LUC7L: variants seen among roughly 807,000 people sequenced by gnomAD.
The protein encoded by LUC7L is LUC7 like, also known as putative RNA-binding protein Luc7-like 1.
A neutral mutation model predicts 51.1 loss-of-function variants in LUC7L; 29 were observed. The ratio of observed to expected loss-of-function variants is 0.57; its 90% CI spans 0.42 to 0.77. The LOEUF (loss-of-function observed/expected upper bound fraction) is 0.77, where lower values mean the gene tolerates loss of function less well. LUC7L is among the 30% of genes least tolerant of loss of function. LUC7L has a pLI of 0.00. For missense variants in LUC7L, 403 were observed against 511.9 expected (o/e 0.79, Z 2.05); for synonymous variants, 181 against 180.7 (o/e 1.00, Z -0.01).
At chr16:211,323 C>A (rs114547788) in intron 3 of LUC7L, among the ~76,000 whole-genome samples, 1 of 152,080 alleles carries the variant, frequency 6.6e-6, no homozygotes, top group Non-Finnish European at 1.5e-5. Context: ...AAGGTTAATT[C>A]GCCTTACGAG....
intron 3 of LUC7L, among the ~76,000 whole-genome samples, chr16:210,923 C>A (rs1184974126): frequency 6.6e-6 from 1 of 151,706 alleles, no homozygotes; most frequent in Non-Finnish European, 1.5e-5. Context: ...TGGTGGCGGG[C>A]GCCTATAGTC....
intron 2 of LUC7L, among the ~76,000 whole-genome samples, chr16:223,635 T>C (rs2050039074): frequency 6.6e-6 from 1 of 151,902 alleles, no homozygotes. Context: ...TCACTGTCAC[T>C]GAAAATCTGA....
At chr16:228,045 TAAAGGA>T in intron 1 of LUC7L, 11 of 1,137,406 alleles carry the variant, frequency 9.7e-6, no homozygotes, top group Non-Finnish European at 1.1e-5. Flanking sequence ...TGAAAAGTGT[TAAAGGA>T]AAAGTTTTCT....
intron 6 of LUC7L, among the ~76,000 whole-genome samples, chr16:195,966 G>T (rs773102864): frequency 5.3e-5 from 8 of 152,066 alleles, no homozygotes; most frequent in Non-Finnish European, 1.2e-4. Context: ...GTGTTGTTTT[G>T]GTCAACTCTA....
chr16:208,071 A>G lies in LUC7L; in HGVS notation c.366+7T>C, dbSNP rs754267242. 1 of 1,602,962 alleles carries G rather than the reference A, an allele frequency of 6.2e-7. No individual in the cohort carries two copies. The highest frequency in any genetic ancestry group is 8.5e-7 in the Non-Finnish European group (1 of 1,174,908). On this transcript the variant is annotated splice_region_variant and intron_variant, in intron 4 of 9. Transcript: ENST00000293872. ...ACACACCAGACACCGAAGCCACCCA[A>G]GCATACCTTTGCAGAAACTTCCGCA...
intron 2 of LUC7L, among the ~76,000 whole-genome samples, chr16:224,474 G>C (rs570643088): frequency 4.4e-4 from 66 of 149,788 alleles, no homozygotes; most frequent in African/African-American, 1.6e-3. Context: ...AGCTGAGATG[G>C]AGCCATTACA....
intron 6 of LUC7L, among the ~76,000 whole-genome samples, chr16:197,206 CCTTTT>C (rs1174238352): frequency 1.5e-5 from 2 of 137,900 alleles, no homozygotes; most frequent in Non-Finnish European, 3.1e-5. Context: ...CTGCACCCAG[CCTTTT>C]TTTTTTTTTT....
chr16:207,340 A>T (rs1176644219), intron 4 of LUC7L, among the ~76,000 whole-genome samples: 1 of 152,044 alleles, frequency 6.6e-6, no homozygotes, highest in Non-Finnish European at 1.5e-5. Context: ...CTCCCACCTC[A>T]GCCTCCTGAG....
At chr16:212,500 C>G (rs1433080073) in intron 3 of LUC7L, among the ~76,000 whole-genome samples, 2 of 152,150 alleles carry the variant, frequency 1.3e-5, no homozygotes, top group Non-Finnish European at 2.9e-5. Context: ...GGTGAAATAA[C>G]TTGCCCAGGG....
chr16:214,338 G>A (rs1277929661), intron 3 of LUC7L, among the ~76,000 whole-genome samples: 1 of 152,154 alleles, frequency 6.6e-6, no homozygotes, highest in African/African-American at 2.4e-5. Flanking sequence ...GGGATTACAG[G>A]TGTGAGCCAC....
chr16:227,561 C>G, intron 1 of LUC7L: 1 of 1,357,088 alleles, frequency 7.4e-7, no homozygotes, highest in African/African-American at 1.5e-5. Context: ...GATCTGACTC[C>G]ATCACTGTAC....
intron 3 of LUC7L, chr16:208,454 C>A: frequency 2.5e-6 from 1 of 407,214 alleles, no homozygotes; most frequent in Non-Finnish European, 3.9e-6. Flanking sequence ...CTCCAACCCT[C>A]AATAACATTA....
At chr16:190,791 A>C (rs2048991505) in intron 7 of LUC7L, 1 of 548,218 alleles carries the variant, frequency 1.8e-6, no homozygotes, top group Admixed American at 3.2e-5. Flanking sequence ...GAGGCAGGAA[A>C]ATCACTTTAA....
chr16:200,150 C>T lies in LUC7L; in HGVS notation c.511-912G>A, dbSNP rs566992228. 4.0e-5 allele frequency among the ~76,000 whole-genome samples: 6 copies of T among 151,796 alleles called. No individual in the cohort carries two copies. The East Asian group carries it at 5.9e-4, about 15-fold the overall frequency. On this transcript the variant is annotated intron_variant, in intron 5 of 9. Transcript: ENST00000293872. ...TAAAAATACAAAAATTGGCCGGGCG[C>T]GGTGGCTCACGCCTGTAATCCCAGC...
At chr16:222,000 A>T (rs1351336491) in intron 2 of LUC7L, among the ~76,000 whole-genome samples, 1 of 152,186 alleles carries the variant, frequency 6.6e-6, no homozygotes, top group Non-Finnish European at 1.5e-5. Context: ...CTAAGTGAGG[A>T]CAGATAATTG....
At chr16:189,488 C>T in intron 9 of LUC7L, 149 bp from the exon 10 acceptor site, 1 of 1,425,812 alleles carries the variant, frequency 7.0e-7, no homozygotes, top group Non-Finnish European at 9.1e-7. Context: ...CAGACTTGCC[C>T]ACCACATATG....
chr16:227,806 T>G, intron 1 of LUC7L: 1 of 999,966 alleles, frequency 1.0e-6, no homozygotes, highest in Non-Finnish European at 1.2e-6. Flanking sequence ...AGAAGAAAGC[T>G]TTCAAACTCT....
At chr16:193,572 C>A (rs1017814623) in intron 6 of LUC7L, among the ~76,000 whole-genome samples, 33 of 152,154 alleles carry the variant, frequency 2.2e-4, no homozygotes, top group African/African-American at 6.5e-4. Flanking sequence ...TCTTTGCTCA[C>A]TGAAGCCTCT....
intron 5 of LUC7L, among the ~76,000 whole-genome samples, chr16:201,256 A>AC (rs1293153641): frequency 2.6e-5 from 4 of 151,042 alleles, no homozygotes; most frequent in African/African-American, 9.7e-5. Context: ...AAAAAAAAAA[A>AC]AAAAAAAAAA....
Sources: gnomAD v4.1 joint callset for allele counts (sites outside exome capture counted in the v4.1 genomes callset) on GRCh38, gnomAD v4.1.1 for gene constraint, MANE v1.5 for transcripts, NCBI Gene and HGNC (gene_info 2026-07-23, HGNC 2026-07-21) for gene names.